CLVS1: variants seen among roughly 807,000 people sequenced by gnomAD.
CLVS1 encodes clavesin-1.
A neutral mutation model predicts 33.1 loss-of-function variants in CLVS1; 10 were observed. The observed-to-expected ratio is 0.30, with a 90% CI of 0.19 to 0.51. The LOEUF is 0.51. Among genes scored for constraint, CLVS1 ranks in the 20% least tolerant of loss-of-function variants. The pLI is 0.97. For synonymous variants in CLVS1, 163 were observed against 166.1 expected, an observed-to-expected ratio of 0.98 and a Z score of 0.14; for missense variants, 343 against 433.4, an observed-to-expected ratio of 0.79 and a Z score of 1.85.
At chr8:61,233,400 G>C (rs1425483596) in intron 2 of CLVS1, among the ~76,000 whole-genome samples, 1 of 151,450 alleles carries the variant, frequency 6.6e-6, no homozygotes, top group Non-Finnish European at 1.5e-5. Flanking sequence ...CACCATTGTT[G>C]TCAGCCATTC....
chr8:61,450,442 G>T (rs1001437225), intron 3 of CLVS1, among the ~76,000 whole-genome samples: 1 of 152,172 alleles, frequency 6.6e-6, no homozygotes, highest in Non-Finnish European at 1.5e-5. Context: ...AGCAGTGTAG[G>T]ATGTGAGTAG....
At chr8:61,202,293 G>T in intron 2 of CLVS1, 1 of 627,186 alleles carries the variant, frequency 1.6e-6, no homozygotes, top group Admixed American at 2.6e-5. Flanking sequence ...GTTCTCTGGA[G>T]CAGCATTCGT....
rs1806049413 is a variant in CLVS1, at chr8:61,129,668, A to G, written c.-242-2102A>G. Among the ~76,000 whole-genome samples, 8 of 152,222 alleles carry G rather than the reference A, an allele frequency of 5.3e-5. No homozygotes were observed. In the South Asian group the frequency reaches 1.7e-3, roughly 32 times the overall value. ...TGGTGTCTTCTTGCTGTGTCCTTGC[A>G]TGGTGGAAGGGAAGACCAAGCTCCC... On this transcript the variant is annotated intron_variant, in intron 1 of 2. Transcript: ENST00000522621.
At chr8:61,051,272 G>A in the CLVS1 span, among the ~76,000 whole-genome samples, 4 of 152,224 alleles carry the variant, frequency 2.6e-5, no homozygotes, top group Non-Finnish European at 5.9e-5. Flanking sequence ...TGGGAGGTTT[G>A]GGCAACCCAC....
intron 3 of CLVS1, among the ~76,000 whole-genome samples, chr8:61,408,121 C>T (rs890952756): frequency 2.6e-5 from 4 of 152,044 alleles, no homozygotes; most frequent in African/African-American, 7.2e-5. Flanking sequence ...CTGGAGTTTA[C>T]GGTCCATTGG....
intron 2 of CLVS1, among the ~76,000 whole-genome samples, chr8:61,167,758 G>T (rs996240298): frequency 6.6e-6 from 1 of 152,128 alleles, no homozygotes; most frequent in Admixed American, 6.5e-5. Flanking sequence ...TTGTAGTAAA[G>T]AAGCCGGCTA....
chr8:61,319,051 A>ATATT (rs1811107722), intron 2 of CLVS1, among the ~76,000 whole-genome samples: 1 of 152,164 alleles, frequency 6.6e-6, no homozygotes, highest in Non-Finnish European at 1.5e-5. Flanking sequence ...TTAAACATAC[A>ATATT]TATTTTAAAT....
intron 1 of CLVS1, among the ~76,000 whole-genome samples, chr8:61,087,309 T>C (rs1805144539): frequency 6.6e-6 from 1 of 152,122 alleles, no homozygotes; most frequent in Non-Finnish European, 1.5e-5. Context: ...TGGAGGGAAA[T>C]GCATGGCGTA....
At chr8:61,250,172 G>A (rs906451491) in intron 2 of CLVS1, among the ~76,000 whole-genome samples, 3 of 152,096 alleles carry the variant, frequency 2.0e-5, no homozygotes, top group African/African-American at 7.2e-5. Context: ...TATTCAATAG[G>A]GAATCTTTTC....
intron 2 of CLVS1, among the ~76,000 whole-genome samples, chr8:61,134,638 A>G (rs1050646812): frequency 2.6e-5 from 4 of 152,066 alleles, no homozygotes; most frequent in African/African-American, 9.7e-5. Flanking sequence ...CTCCTTCTCC[A>G]TCTTTAAAGC....
chr8:61,059,703 C>T (rs527588376), intron 1 of CLVS1, among the ~76,000 whole-genome samples: 4 of 150,686 alleles, frequency 2.7e-5, no homozygotes, highest in South Asian at 2.1e-4. Context: ...CCCAGCTACT[C>T]GGGAGGCTGA....
At chr8:61,225,758 T>G (rs1426091997) in intron 2 of CLVS1, among the ~76,000 whole-genome samples, 1 of 152,248 alleles carries the variant, frequency 6.6e-6, no homozygotes, top group African/African-American at 2.4e-5. Flanking sequence ...TTGCACAATG[T>G]ACAATGGTCT....
At chr8:61,098,203 G>A (rs907040203) in intron 1 of CLVS1, among the ~76,000 whole-genome samples, 14 of 151,974 alleles carry the variant, frequency 9.2e-5, no homozygotes, top group African/African-American at 7.2e-5. Context: ...GAGAGAGAGC[G>A]CAGAGAAACA....
At chr8:61,446,614 CT>C (rs1232842981) in intron 3 of CLVS1, among the ~76,000 whole-genome samples, 6 of 152,102 alleles carry the variant, frequency 3.9e-5, no homozygotes, top group Admixed American at 2.0e-4. Context: ...CCCTTGATAA[CT>C]CATTAATCCA....
At chr8:61,451,632 G>A (rs919126741) in intron 3 of CLVS1, among the ~76,000 whole-genome samples, 3 of 152,096 alleles carry the variant, frequency 2.0e-5, no homozygotes, top group Non-Finnish European at 2.9e-5. Context: ...TTCCAGGAGG[G>A]CGGTAGGCCT....
the CLVS1 span, among the ~76,000 whole-genome samples, chr8:60,970,395 T>C: frequency 1.3e-5 from 2 of 152,256 alleles, no homozygotes; most frequent in Non-Finnish European, 2.9e-5. Context: ...GAAGCCTGTT[T>C]CCTGGATCTC....
In CLVS1 at chr8:61,224,471, C is replaced by T. The variant is rs575119798; in HGVS notation, c.-151-75206C>T. ...GTTTGCTGGGGGTTCACTTCAGGCC[C>T]TATTCATCTGATTCACTTCCGTGTC... On this transcript the variant is annotated intron_variant, in intron 2 of 2. Transcript: ENST00000522621. Among the ~76,000 whole-genome samples, 3 of 152,296 alleles carry T rather than the reference C, an allele frequency of 2.0e-5. No individual in the cohort carries two copies. The South Asian group carries it at 6.2e-4, about 32-fold the overall frequency.
intron 1 of CLVS1, among the ~76,000 whole-genome samples, chr8:61,107,470 G>A (rs1207933830): frequency 6.6e-6 from 1 of 152,180 alleles, no homozygotes; most frequent in African/African-American, 2.4e-5. Flanking sequence ...TCACATTGGT[G>A]GAAATGGAGA....
rs780150271 is a variant in CLVS1 at position 61,300,236 on chromosome 8, G to A, written c.409G>A (p.Gly137Ser). ...PGVLENRDHY[G>S]RKILLLFAAN... ...GGTGCTGGAAAACCGAGACCATTAC[G>A]GCAGGAAGATTCTTTTGCTGTTTGC... The change falls in exon 2 of 6, where the codon GGC becomes AGC. Residue 137 changes from glycine to serine, a missense_variant. Around this residue, in one of 4 missense-constraint regions of CLVS1, gnomAD observed 166 missense variants for 244.0 expected, o/e 0.68. Transcript: ENST00000325897. The A allele has an allele frequency of 1.5e-5, 25 of 1,613,770 alleles. No homozygotes were observed. The highest frequency in any genetic ancestry group is 3.3e-5 in the South Asian group (3 of 91,060).
Sources: gnomAD v4.1 joint callset for allele counts (sites outside exome capture counted in the v4.1 genomes callset) on GRCh38, gnomAD v4.1.1 for gene constraint, gnomAD v4.1.1 regional missense constraint, MANE v1.5 for transcripts, NCBI Gene and HGNC (gene_info 2026-07-23, HGNC 2026-07-21) for gene names.